Variants in PLXDC2 observed in about 807,000 individuals in gnomAD.
PLXDC2 encodes the protein plexin domain-containing protein 2.
Under a neutral mutation model 68.9 loss-of-function variants are expected in PLXDC2, and 40 were observed. The ratio of observed to expected loss-of-function variants is 0.58; its 90% CI spans 0.45 to 0.76. The LOEUF is 0.76. Ranked by LOEUF, PLXDC2 falls within the 30% of genes least tolerant of loss-of-function variation. The pLI is 0.00. For synonymous variants in PLXDC2, 243 were observed against 234.2 expected, an observed-to-expected ratio of 1.04 and a Z score of -0.34; for missense variants, 644 against 661.9, an observed-to-expected ratio of 0.97 and a Z score of 0.30.
intron 1 of PLXDC2, among the ~76,000 whole-genome samples, chr10:19,884,008 T>G (rs563542282): frequency 6.8e-6 from 1 of 147,642 alleles, no homozygotes; most frequent in South Asian, 2.2e-4. Flanking sequence ...GGTGATCCTC[T>G]CAGCCTCCAT....
intron 4 of PLXDC2, among the ~76,000 whole-genome samples, chr10:20,140,431 A>ATCTATCTATCTG (rs1387833289): frequency 1.3e-5 from 2 of 149,334 alleles, no homozygotes; most frequent in African/African-American, 4.9e-5. Context: ...CTATCTATCT[A>ATCTATCTATCTG]TCTATCTATC....
At chr10:20,227,525 T>A (rs924908175) in intron 12 of PLXDC2, among the ~76,000 whole-genome samples, 2 of 152,084 alleles carry the variant, frequency 1.3e-5, no homozygotes, top group Non-Finnish European at 2.9e-5. Context: ...AGCTGCCAGA[T>A]TTGATTTTCC....
chr10:19,934,823 G>A (rs968709144), intron 1 of PLXDC2, among the ~76,000 whole-genome samples: 1 of 152,164 alleles, frequency 6.6e-6, no homozygotes, highest in African/African-American at 2.4e-5. Context: ...TATAATGATA[G>A]GGTCTTCATC....
At chr10:20,133,247 A>G (rs888965175) in intron 4 of PLXDC2, among the ~76,000 whole-genome samples, 13 of 152,158 alleles carry the variant, frequency 8.5e-5, no homozygotes, top group Admixed American at 7.8e-4. Flanking sequence ...GTGGAGCACT[A>G]TTGGAATATA....
intron 4 of PLXDC2, among the ~76,000 whole-genome samples, chr10:20,072,487 A>AAG (rs58565740): frequency 0.16 from 18,834 of 119,472 alleles, 2,073 homozygotes; most frequent in African/African-American, 0.31. Context: ...GGAACAAAGA[A>AAG]AGAAAGAGAA....
chr10:19,836,106 G>A (rs758636929), intron 1 of PLXDC2, among the ~76,000 whole-genome samples: 2 of 152,132 alleles, frequency 1.3e-5, no homozygotes, highest in African/African-American at 2.4e-5. Context: ...GAGCCCAAGA[G>A]GTTGAGGCTG....
chr10:19,818,730 C>T (rs565013851), intron 1 of PLXDC2, among the ~76,000 whole-genome samples: 1 of 151,688 alleles, frequency 6.6e-6, no homozygotes, highest in East Asian at 2.0e-4. Flanking sequence ...TTCATTGGTC[C>T]GAAAAAATAA....
intron 1 of PLXDC2, among the ~76,000 whole-genome samples, chr10:19,891,401 T>C (rs933947135): frequency 1.8e-5 from 2 of 111,892 alleles, no homozygotes; most frequent in East Asian, 2.8e-4. Flanking sequence ...CTCTTTCTAT[T>C]TTCTCCCTTT....
intron 6 of PLXDC2, among the ~76,000 whole-genome samples, chr10:20,163,644 T>C (rs1489467451): frequency 2.6e-5 from 4 of 152,154 alleles, no homozygotes; most frequent in African/African-American, 9.6e-5. Context: ...ATGGTTTCAT[T>C]CCCATTTTTG....
At chr10:19,956,093 G>A (rs12773090) in intron 1 of PLXDC2, among the ~76,000 whole-genome samples, 31 of 151,782 alleles carry the variant, frequency 2.0e-4, no homozygotes, top group African/African-American at 7.0e-4. Context: ...AAAAATTCTC[G>A]TAATTTTCTA....
At chr10:20,138,587 C>A (rs779147058) in intron 4 of PLXDC2, among the ~76,000 whole-genome samples, 4 of 152,146 alleles carry the variant, frequency 2.6e-5, no homozygotes, top group Non-Finnish European at 5.9e-5. Context: ...CACCATTATT[C>A]TTTTTAAAGT....
intron 6 of PLXDC2, among the ~76,000 whole-genome samples, chr10:20,163,585 G>A (rs973601027): frequency 2.6e-5 from 4 of 151,780 alleles, no homozygotes; most frequent in South Asian, 2.1e-4. Context: ...AGACGTTTTC[G>A]GTGCATTTAT....
intron 3 of PLXDC2, among the ~76,000 whole-genome samples, chr10:20,054,970 G>C (rs1338102465): frequency 6.6e-6 from 1 of 152,006 alleles, no homozygotes. Context: ...CCAATATACT[G>C]TTTGCCAGAC....
chr10:19,937,243 G>A (rs1833739877), intron 1 of PLXDC2, among the ~76,000 whole-genome samples: 2 of 152,050 alleles, frequency 1.3e-5, no homozygotes, highest in Non-Finnish European at 2.9e-5. Context: ...ATTAAATGTA[G>A]TCATCTTTCG....
In PLXDC2 at chr10:20,126,310, C is replaced by T. The variant is rs944497730; in HGVS notation, c.542-16985C>T. 2.5e-4 allele frequency among the ~76,000 whole-genome samples: 30 copies of T among 119,696 alleles called. 2 individuals are homozygous for T. The East Asian group carries it at 6.7e-3, about 27-fold the overall frequency. The allele number at this position is 119,696 out of a possible 152,430, so 78.5% of individuals were successfully genotyped here. On this transcript the variant is annotated intron_variant, in intron 4 of 13. Transcript: ENST00000377252. The stretch of plus-strand genomic sequence containing the variant: ...GTTATATAATACATATATACACATA[C>T]GTTATATAATATATACATATACGTT...
At chr10:19,867,465 G>A (rs1219564183) in intron 1 of PLXDC2, among the ~76,000 whole-genome samples, 1 of 152,080 alleles carries the variant, frequency 6.6e-6, no homozygotes, top group Non-Finnish European at 1.5e-5. Context: ...TAGGTCAAGG[G>A]GTATGTTCAG....
intron 4 of PLXDC2, among the ~76,000 whole-genome samples, chr10:20,141,694 T>C (rs942777188): frequency 6.6e-6 from 1 of 152,034 alleles, no homozygotes; most frequent in African/African-American, 2.4e-5. Flanking sequence ...ATATTTATAA[T>C]GTTAAGGATG....
At chr10:20,206,556 G>A (rs921293550) in intron 9 of PLXDC2, among the ~76,000 whole-genome samples, 2 of 152,226 alleles carry the variant, frequency 1.3e-5, no homozygotes, top group East Asian at 1.9e-4. Flanking sequence ...TGTGCTTAGA[G>A]CAAAAGGAGG....
chr10:19,821,517 C>A (rs1252006265), intron 1 of PLXDC2, among the ~76,000 whole-genome samples: 2 of 152,204 alleles, frequency 1.3e-5, no homozygotes, highest in Non-Finnish European at 2.9e-5. Context: ...TTAGACTAGA[C>A]CATACATTCC....
Sources: allele counts gnomAD v4.1 joint callset (sites outside exome capture counted in the v4.1 genomes callset), GRCh38; gene constraint gnomAD v4.1.1; transcripts MANE v1.5; gene names NCBI Gene and HGNC (gene_info 2026-07-23, HGNC 2026-07-21).